The following RPS6KC1 variants were observed in gnomAD, a reference collection of about 807,000 sequenced individuals.
RPS6KC1 encodes the protein ribosomal protein S6 kinase C1, also known as inactive ribosomal protein S6 kinase delta-1.
In RPS6KC1, 54 loss-of-function variants were observed where a neutral mutation model predicts 103.8. The observed-to-expected ratio is 0.52, with a 90% CI of 0.42 to 0.65. The LOEUF (loss-of-function observed/expected upper bound fraction) is 0.65. Among genes scored for constraint, RPS6KC1 ranks in the 30% least tolerant of loss-of-function variants. RPS6KC1 has a pLI of 0.00. For synonymous variants in RPS6KC1, 439 were observed against 438.7 expected, an observed-to-expected ratio of 1.00 and a Z score of -0.01; for missense variants, 1,151 against 1,253.8, an observed-to-expected ratio of 0.92 and a Z score of 1.24.
the RPS6KC1 span, among the ~76,000 whole-genome samples, chr1:213,451,135 A>G: frequency 4.6e-5 from 7 of 152,342 alleles, no homozygotes; most frequent in African/African-American, 1.4e-4. Flanking sequence ...TAATGGGATG[A>G]TAGCCCACTG....
chr1:213,349,494 C>T, the RPS6KC1 span, among the ~76,000 whole-genome samples: 4 of 152,224 alleles, frequency 2.6e-5, no homozygotes, highest in African/African-American at 7.2e-5. Context: ...TGGGTTTGCT[C>T]GAGTTGCTGC....
the RPS6KC1 span, among the ~76,000 whole-genome samples, chr1:213,778,089 C>T: frequency 2.6e-5 from 4 of 152,184 alleles, no homozygotes; most frequent in Admixed American, 2.0e-4. Flanking sequence ...GATGCCACAG[C>T]TGCCCTCTCC....
the RPS6KC1 span, among the ~76,000 whole-genome samples, chr1:213,671,629 C>T: frequency 6.6e-6 from 1 of 152,148 alleles, no homozygotes; most frequent in Admixed American, 6.5e-5. Context: ...ACTAAAAATA[C>T]AAAAGTTAGC....
At chr1:213,426,067 C>T in the RPS6KC1 span, among the ~76,000 whole-genome samples, 8 of 151,994 alleles carry the variant, frequency 5.3e-5, no homozygotes, top group Admixed American at 5.2e-4. Flanking sequence ...CCCCTTTTTC[C>T]CCATGTGGGT....
At chr1:213,728,948 G>GTTTTTTTTTTTTTTTTTTTTTTTT in the RPS6KC1 span, among the ~76,000 whole-genome samples, 1 of 91,298 alleles carries the variant, frequency 1.1e-5, no homozygotes, top group Non-Finnish European at 2.1e-5. Flanking sequence ...TTTTTTTTTT[G>GTTTTTTTTTTTTTTTTTTTTTTTT]TTTTTTTTTT....
chr1:213,656,884 A>G, the RPS6KC1 span, among the ~76,000 whole-genome samples: 1 of 152,334 alleles, frequency 6.6e-6, no homozygotes, highest in Non-Finnish European at 1.5e-5. Context: ...AGAGAGCAGT[A>G]CCTTATTCTC....
At chr1:213,587,502 A>G in the RPS6KC1 span, among the ~76,000 whole-genome samples, 17,009 of 152,242 alleles carry the variant, frequency 0.11, 1,596 homozygotes, top group African/African-American at 0.26. Context: ...GCTATCATCC[A>G]TATCTGCAGA....
chr1:213,291,964 T>C, the RPS6KC1 span, among the ~76,000 whole-genome samples: 5 of 152,286 alleles, frequency 3.3e-5, no homozygotes, highest in Middle Eastern at 3.4e-3. Flanking sequence ...TTTCTACATA[T>C]GGCTAGCCAG....
intron 7 of RPS6KC1, among the ~76,000 whole-genome samples, chr1:213,173,860 A>G (rs903709477): frequency 6.6e-6 from 1 of 152,248 alleles, no homozygotes; most frequent in Non-Finnish European, 1.5e-5. Flanking sequence ...GAAAGATGCA[A>G]TAGAGATTTC....
chr1:213,760,655 T>C, the RPS6KC1 span, among the ~76,000 whole-genome samples: 4 of 152,164 alleles, frequency 2.6e-5, no homozygotes, highest in African/African-American at 9.7e-5. Context: ...TAGTAATCAG[T>C]TTTGTGGATA....
the RPS6KC1 span, among the ~76,000 whole-genome samples, chr1:213,680,746 G>C: frequency 2.6e-5 from 4 of 152,138 alleles, no homozygotes; most frequent in Non-Finnish European, 5.9e-5. Flanking sequence ...TGTATACTGA[G>C]TAAGGCAGGT....
At chr1:213,135,018 A>G (rs2086113258) in intron 6 of RPS6KC1, among the ~76,000 whole-genome samples, 1 of 152,136 alleles carries the variant, frequency 6.6e-6, no homozygotes, top group Non-Finnish European at 1.5e-5. Flanking sequence ...CTCAGGGGGA[A>G]AGATTTCAGT....
intron 12 of RPS6KC1, among the ~76,000 whole-genome samples, chr1:213,256,685 A>G (rs2094652344): frequency 6.6e-6 from 1 of 152,138 alleles, no homozygotes; most frequent in East Asian, 1.9e-4. Flanking sequence ...GTTGCCTCCC[A>G]TTCAGATTGG....
chr1:213,808,802 G>C, the RPS6KC1 span, among the ~76,000 whole-genome samples: 1 of 152,208 alleles, frequency 6.6e-6, no homozygotes, highest in Non-Finnish European at 1.5e-5. Flanking sequence ...TGCGCCCACT[G>C]TCTGGCACTC....
the RPS6KC1 span, among the ~76,000 whole-genome samples, chr1:213,328,180 G>A: frequency 1.3e-5 from 2 of 152,012 alleles, no homozygotes; most frequent in Non-Finnish European, 1.5e-5. Flanking sequence ...CTTTCAATAG[G>A]CATGCAATAC....
At chr1:213,406,171 G>T in the RPS6KC1 span, among the ~76,000 whole-genome samples, 7 of 152,202 alleles carry the variant, frequency 4.6e-5, no homozygotes, top group Non-Finnish European at 8.8e-5. Context: ...CTCCACTGTG[G>T]GGTCGGAGTG....
chr1:213,838,713 T>G, the RPS6KC1 span, among the ~76,000 whole-genome samples: 1 of 152,230 alleles, frequency 6.6e-6, no homozygotes, highest in Non-Finnish European at 1.5e-5. Flanking sequence ...GTGGAATGCC[T>G]CAGGAGCTGG....
chr1:213,478,891 G>A, the RPS6KC1 span, among the ~76,000 whole-genome samples: 1 of 151,886 alleles, frequency 6.6e-6, no homozygotes, highest in Non-Finnish European at 1.5e-5. Context: ...TCTTCAGAGG[G>A]AACAATTCTC....
intron 6 of RPS6KC1, 122 bp downstream of exon 6, chr1:213,130,011 A>G: frequency 1.0e-6 from 1 of 965,290 alleles, no homozygotes; most frequent in African/African-American, 1.6e-5. Context: ...GAAATTACTG[A>G]AGCTTAAAAG....
Sources: allele counts gnomAD v4.1 joint callset (sites outside exome capture counted in the v4.1 genomes callset), GRCh38; gene constraint gnomAD v4.1.1; transcripts MANE v1.5; gene names NCBI Gene and HGNC (gene_info 2026-07-23, HGNC 2026-07-21).